The following TEX11 variants were observed in gnomAD, a reference collection of about 807,000 sequenced individuals.
TEX11 encodes the protein testis expressed 11.
In TEX11, 7 loss-of-function variants were observed where a neutral mutation model predicts 84.4. The ratio of observed to expected loss-of-function variants is 0.08; its 90% CI spans 0.05 to 0.16. TEX11 has a LOEUF of 0.16. TEX11 is among the 10% of genes least tolerant of loss of function. The pLI, the probability that TEX11 is intolerant of heterozygous loss-of-function variation, is 1.00. For missense variants in TEX11, 551 were observed against 660.5 expected (o/e 0.83, Z 1.82); for synonymous variants, 264 against 222.8 (o/e 1.18, Z -1.64).
intron 10 of TEX11, 110 bp from the exon 11 acceptor site, chrX:70,740,906 T>C (rs1260814316): frequency 4.5e-6 from 2 of 446,974 alleles, no homozygotes; most frequent in Admixed American, 8.6e-5. Flanking sequence ...ATAAGTCATC[T>C]TTATGAAATA....
chrX:70,530,568 T>G (rs778061875), intron 28 of TEX11, among the ~76,000 whole-genome samples: 1 of 112,058 alleles, frequency 8.9e-6, no homozygotes, highest in East Asian at 2.8e-4. Flanking sequence ...TTCACAATAC[T>G]TTGCAATAGT....
intron 9 of TEX11, among the ~76,000 whole-genome samples, chrX:70,771,879 A>G (rs1019176846): frequency 9.0e-6 from 1 of 111,470 alleles, no homozygotes; most frequent in African/African-American, 3.3e-5. Context: ...TGCCTCATGA[A>G]CCCAGCCTCC....
At position 70,605,404 on chromosome X, in the gene TEX11, T is replaced by C. The variant is rs767797537; in HGVS notation, c.2064A>G (p.Glu688=). ...TTCTTTGAAGGTTGCACATTACCTG[T>C]TCAAAAGCTGTTGAAGCTTTTCTCC... ...EQGRKASTAF[E]QTMFLSRALE... is the part of the protein sequence containing the mutation. Residue 688 remains glutamate, a synonymous_variant, in exon 24 of 30, where the codon GAA becomes GAG. Transcript: ENST00000374333. 1.7e-6 allele frequency: 2 copies of C among 1,186,825 alleles called. No individual in the cohort carries two copies. The highest frequency in any genetic ancestry group is 2.2e-5 in the Admixed American group (1 of 45,801).
chrX:70,610,965 G>A (rs1269593147), intron 20 of TEX11, among the ~76,000 whole-genome samples: 2 of 112,169 alleles, frequency 1.8e-5, no homozygotes, highest in Admixed American at 9.5e-5. Flanking sequence ...GTGGTTGAAC[G>A]AGGAGTGGGT....
intron 3 of TEX11, among the ~76,000 whole-genome samples, chrX:70,875,996 T>C (rs1251699617): frequency 8.9e-6 from 1 of 111,865 alleles, no homozygotes; most frequent in Admixed American, 9.5e-5. Flanking sequence ...TGTCAGCAAC[T>C]CATTTTAAAA....
intron 25 of TEX11, among the ~76,000 whole-genome samples, chrX:70,580,697 C>A (rs1219724803): frequency 8.9e-6 from 1 of 111,873 alleles, no homozygotes; most frequent in African/African-American, 3.2e-5. Flanking sequence ...TTACTTCGGT[C>A]TGTTTTTCCT....
intron 4 of TEX11, among the ~76,000 whole-genome samples, chrX:70,868,020 A>T (rs887707842): frequency 2.7e-5 from 3 of 112,015 alleles, no homozygotes; most frequent in African/African-American, 9.7e-5. Context: ...GCCAAAATTG[A>T]AAAATGGGAT....
intron 9 of TEX11, among the ~76,000 whole-genome samples, chrX:70,789,373 C>T (rs1208947664): frequency 9.0e-6 from 1 of 111,724 alleles, no homozygotes; most frequent in Non-Finnish European, 1.9e-5. Context: ...AAGCAAATCA[C>T]CTGAGCTTAG....
intron 16 of TEX11, among the ~76,000 whole-genome samples, chrX:70,663,360 A>G (rs1398053524): frequency 9.0e-6 from 1 of 110,558 alleles, no homozygotes; most frequent in Non-Finnish European, 1.9e-5. Context: ...CCAAAATCTC[A>G]CTCCTTGTAG....
chrX:70,671,303 A>G (rs138971784), intron 15 of TEX11, among the ~76,000 whole-genome samples: 126 of 111,494 alleles, frequency 1.1e-3, no homozygotes, highest in African/African-American at 4.0e-3. Flanking sequence ...CTTGTACCCT[A>G]TCAAGAAGCT....
rs760302376 is a variant in TEX11 at position 70,535,729 on chromosome X, C to T, written c.2521-5730G>A. ...TGCCATTGCACTCCAGCCTGGGTGA[C>T]GGAGTGAAACTCCATTTCAAAAAAA... On this transcript the variant is annotated intron_variant, in intron 28 of 29. Transcript: ENST00000374333. Among the ~76,000 whole-genome samples the T allele has an allele frequency of 3.8e-4, 41 of 108,994 alleles. 1 individual carries two copies. The highest frequency in any genetic ancestry group is 3.5e-3 in the Admixed American group (36 of 10,258). The allele number at this position is 108,994 out of a possible 115,157, so 94.6% of individuals were successfully genotyped here.
chrX:70,589,828 A>G (rs1485667498), intron 25 of TEX11, among the ~76,000 whole-genome samples: 1 of 112,285 alleles, frequency 8.9e-6, no homozygotes, highest in Non-Finnish European at 1.9e-5. Flanking sequence ...TTGCTTAAAG[A>G]AAAGTCACGG....
the TEX11 span, among the ~76,000 whole-genome samples, chrX:70,519,354 T>C: frequency 8.9e-6 from 1 of 112,078 alleles, no homozygotes; most frequent in South Asian, 3.7e-4. Context: ...AAGGATTTCA[T>C]TTCTCTTTCA....
intron 7 of TEX11, among the ~76,000 whole-genome samples, chrX:70,839,091 C>T (rs1222739550): frequency 8.9e-6 from 1 of 112,573 alleles, no homozygotes; most frequent in Non-Finnish European, 1.9e-5. Flanking sequence ...AAAAAGACAG[C>T]AGTAACCTAT....
intron 20 of TEX11, among the ~76,000 whole-genome samples, chrX:70,621,783 A>G (rs1030289394): frequency 2.3e-4 from 24 of 105,699 alleles, no homozygotes; most frequent in Admixed American, 9.4e-4. Context: ...TCAGGGATAA[A>G]TCTTAGAAGT....
At chrX:70,604,153 TC>T (rs1336064380) in intron 24 of TEX11, among the ~76,000 whole-genome samples, 1 of 111,111 alleles carries the variant, frequency 9.0e-6, no homozygotes, top group African/African-American at 3.3e-5. Context: ...TTGTGAAATT[TC>T]CCCCACATCA....
chrX:70,645,290 A>T (rs1011071904), intron 17 of TEX11, among the ~76,000 whole-genome samples: 4 of 105,465 alleles, frequency 3.8e-5, no homozygotes, highest in East Asian at 3.1e-4. Context: ...TCCATGATTT[A>T]AAAAAAAAAA....
intron 13 of TEX11, among the ~76,000 whole-genome samples, chrX:70,702,345 A>T (rs1266537194): frequency 8.9e-6 from 1 of 111,984 alleles, no homozygotes; most frequent in African/African-American, 3.2e-5. Flanking sequence ...AACTCACTGA[A>T]GGCTCAGATT....
intron 16 of TEX11, among the ~76,000 whole-genome samples, chrX:70,667,938 A>G (rs903659700): frequency 4.5e-5 from 5 of 110,821 alleles, no homozygotes; most frequent in Non-Finnish European, 7.6e-5. Flanking sequence ...AAAAAAAAAA[A>G]ATAAAAAAGA....
Sources: allele counts gnomAD v4.1 joint callset (sites outside exome capture counted in the v4.1 genomes callset), GRCh38; gene constraint gnomAD v4.1.1; transcripts MANE v1.5; gene names NCBI Gene and HGNC (gene_info 2026-07-23, HGNC 2026-07-21).